C1orf167: variants seen among roughly 807,000 people sequenced by gnomAD.
C1orf167 encodes chromosome 1 open reading frame 167, also known as uncharacterized protein C1orf167.
A neutral mutation model predicts 176.5 loss-of-function variants in C1orf167; 153 were observed. The ratio of observed to expected loss-of-function variants is 0.87; its 90% CI spans 0.76 to 0.99. C1orf167 has a LOEUF of 0.99. Among genes scored for constraint, C1orf167 ranks in the 50% least tolerant of loss-of-function variants. The pLI, the probability that C1orf167 is intolerant of heterozygous loss-of-function variation, is 0.00. For synonymous variants in C1orf167, 594 were observed against 752.7 expected (o/e 0.79, Z 3.45); for missense variants, 1,490 against 1,817.7 (o/e 0.82, Z 3.28).
rs1643278285 is a variant in C1orf167, at chr1:11,775,627, T to C, written c.2164+17T>C. 1 of 1,293,862 alleles carries C rather than the reference T, an allele frequency of 7.7e-7. No homozygotes were observed. The highest frequency in any genetic ancestry group is 1.3e-5 in the South Asian group (1 of 79,734). The allele number at this position is 1,293,862 out of a possible 1,614,324, so 80.1% of individuals were successfully genotyped here. ...AGAAAGCAGGTGAGCTAGTGTTGGC[T>C]TCCGCCCCAGCAAACCGTGTCACTT... On this transcript the variant is annotated intron_variant, in intron 9 of 20. Transcript: ENST00000688073.
intron 20 of C1orf167, 104 bp from the exon 21 acceptor site, chr1:11,789,166 C>T: frequency 8.8e-7 from 1 of 1,137,728 alleles, no homozygotes; most frequent in East Asian, 5.9e-5. Flanking sequence ...AGGGAGGGGC[C>T]CTGGGGACAA....
In C1orf167 at chr1:11,765,053, CA is replaced by C. The variant is rs376686533; in HGVS notation, c.70+607del. On this transcript the variant is annotated intron_variant, in intron 2 of 20. Transcript: ENST00000688073. Reference sequence around the variant, plus strand: ...TGAGCCACAGAGCAAGACTCTGTCTCAAAAAAAAAAAAAAAAAAAAAAAAGA... The same window carrying C: ...TGAGCCACAGAGCAAGACTCTGTCTCAAAAAAAAAAAAAAAAAAAAAAAGA... Among the ~76,000 whole-genome samples, 528 of 67,378 alleles carry C rather than the reference CA, an allele frequency of 7.8e-3. 2 individuals carry two copies. The highest frequency in any genetic ancestry group is 0.034 in the African/African-American group (470 of 13,856). 44.2% of individuals were successfully genotyped at this position (67,378 alleles called of 152,430 possible).
intron 13 of C1orf167, among the ~76,000 whole-genome samples, chr1:11,780,315 T>C (rs1057176044): frequency 7.2e-5 from 11 of 152,204 alleles, no homozygotes; most frequent in African/African-American, 2.7e-4. Flanking sequence ...GCTGACCAAC[T>C]CTTACACATT....
chr1:11,768,881 C>T lies in C1orf167; in HGVS notation c.1543-92C>T. 1 of 868,996 alleles carries T rather than the reference C, an allele frequency of 1.2e-6. No homozygotes were observed. Among genetic ancestry groups the T allele is most frequent in the Non-Finnish European group, 1.4e-6 (1 of 723,510 alleles). 53.8% of individuals were successfully genotyped at this position (868,996 alleles called of 1,614,324 possible). On this transcript the variant is annotated intron_variant, in intron 5 of 20. Coordinates refer to ENST00000688073, the MANE Select transcript of C1orf167 (RefSeq NM_001010881.2). This position sits in a 1 kb window ranked among gnomAD's most constrained non-coding sequence, Gnocchi z 4.5. ...ACCACAGGCTGTGGAATCTGATAGG[C>T]ATGTGTTACTCCTGTCCCCGCCCCT...
intron 1 of C1orf167, among the ~76,000 whole-genome samples, chr1:11,763,269 G>A (rs575319427): frequency 4.6e-5 from 7 of 152,264 alleles, no homozygotes; most frequent in East Asian, 1.9e-4. Flanking sequence ...GTGAAACCCT[G>A]TCTCTACCAA....
Position 11,785,286 on chromosome 1 carries a change from C to T in C1orf167, c.3564C>T (p.Gly1188=). ...TGCGGCTGGGACTGCCAGGGGCCGG[C>T]AAGGTACGCCCCAAGCCCCAGACTG... ...LRVRLGLPGA[G]KTRSCWTQAT... The change falls in exon 16 of 21, where the codon GGC becomes GGT. Residue 1188 remains glycine (G), a synonymous_variant. Transcript: ENST00000688073. 2 of 1,285,866 alleles carry T rather than the reference C, an allele frequency of 1.6e-6. No individual in the cohort carries two copies. Among genetic ancestry groups the T allele is most frequent in the Non-Finnish European group, 1.0e-6 (1 of 985,160 alleles). The allele number at this position is 1,285,866 out of a possible 1,614,324, so 79.7% of individuals were successfully genotyped here.
intron 17 of C1orf167, 157 bp downstream of exon 17, chr1:11,787,650 T>C: frequency 2.4e-6 from 2 of 843,788 alleles, no homozygotes; most frequent in Non-Finnish European, 3.2e-6. Flanking sequence ...GTTTCAGCTG[T>C]TCTGAGAAAA....
intron 20 of C1orf167, chr1:11,788,979 C>A: frequency 2.6e-6 from 1 of 386,770 alleles, no homozygotes; most frequent in Non-Finnish European, 4.8e-6. Flanking sequence ...CATCAGTTTG[C>A]GAAGAAGGTG....
Position 11,766,851 on chromosome 1 carries a change from C to CA in C1orf167, c.1066dup (p.Ser356LysfsTer15), listed in dbSNP as rs554134504. On this transcript the variant is annotated frameshift_variant, in exon 3 of 21. Transcript: ENST00000688073. LOFTEE classifies it high-confidence loss of function. This position sits in a 1 kb window ranked among gnomAD's most constrained non-coding sequence, Gnocchi z 4.5. ...CTGCCCACCCCCTAGGGTCAGGGGA[C>CA]AGCTGCTCCCCCTGGTCTCAAGATG... 3.3e-4 allele frequency: 420 copies of CA among 1,282,294 alleles called. 5 individuals are homozygous for CA. In the African/African-American group the frequency reaches 3.7e-3, roughly 11 times the overall value. The allele number at this position is 1,282,294 out of a possible 1,614,324, so 79.4% of individuals were successfully genotyped here.
chr1:11,776,164 C>T (rs1344542585), intron 9 of C1orf167, among the ~76,000 whole-genome samples: 1 of 152,114 alleles, frequency 6.6e-6, no homozygotes, highest in East Asian at 1.9e-4. Context: ...GGCTGAGGCA[C>T]AAGGATCGCT....
intron 7 of C1orf167, 137 bp from the exon 8 acceptor site, chr1:11,771,945 T>G (rs1570394118): frequency 1.7e-6 from 1 of 581,856 alleles, no homozygotes. Flanking sequence ...GAGGCTGGAG[T>G]ATTGGAGCTA....
chr1:11,778,990 G>A lies in C1orf167; in HGVS notation c.2561G>A (p.Arg854Gln), dbSNP rs749920951. 103 of 1,303,118 alleles carry A rather than the reference G, an allele frequency of 7.9e-5. No homozygotes were observed. Among genetic ancestry groups the A allele is most frequent in the East Asian group, 1.1e-4 (2 of 18,028 alleles). The allele number at this position is 1,303,118 out of a possible 1,614,324, so 80.7% of individuals were successfully genotyped here. ...AGCCTTCTGTGGGCAGCTGGGCAGC[G>A]GCAGCAGGGGCAGTGCCTTCTGCTC... ...QGSLLWAAGQ[R>Q]QQGQCLLLWQ... Residue 854 changes from arginine (R) to glutamine (Q), a missense_variant, in exon 12 of 21, where the codon CGG becomes CAG. Coordinates refer to ENST00000688073, the MANE Select transcript of C1orf167 (RefSeq NM_001010881.2).
chr1:11,776,771 G>C, intron 10 of C1orf167, 133 bp downstream of exon 10: 3 of 889,786 alleles, frequency 3.4e-6, no homozygotes, highest in Non-Finnish European at 4.4e-6. Flanking sequence ...ACTCCTCCCC[G>C]TGGCCCTGCA....
At chr1:11,784,005 C>T (rs1407627790) in intron 14 of C1orf167, among the ~76,000 whole-genome samples, 169 bp from the exon 15 acceptor site, 1 of 152,080 alleles carries the variant, frequency 6.6e-6, no homozygotes, top group Non-Finnish European at 1.5e-5. Context: ...TTACAGGTGC[C>T]CACTACCAGG....
chr1:11,784,963 C>T (rs1234421167), intron 15 of C1orf167, among the ~76,000 whole-genome samples, 185 bp from the exon 16 acceptor site: 2 of 152,228 alleles, frequency 1.3e-5, no homozygotes, highest in Non-Finnish European at 2.9e-5. Flanking sequence ...GTGATTTTCT[C>T]CTTCCAGGTC....
intron 4 of C1orf167, among the ~76,000 whole-genome samples, 165 bp downstream of exon 4, chr1:11,767,429 C>G (rs1381389420): frequency 6.6e-6 from 1 of 152,044 alleles, no homozygotes. Context: ...ATGAAGGGAG[C>G]CTCCAGGGCC....
At chr1:11,785,047 G>C in intron 15 of C1orf167, 101 bp from the exon 16 acceptor site, 1 of 1,063,278 alleles carries the variant, frequency 9.4e-7, no homozygotes, top group African/African-American at 1.7e-5. Flanking sequence ...CCAGCCTGGG[G>C]CTGGGCCCGG....
intron 2 of C1orf167, among the ~76,000 whole-genome samples, chr1:11,765,329 T>G (rs746461272): frequency 1.3e-5 from 2 of 152,036 alleles, no homozygotes; most frequent in Non-Finnish European, 2.9e-5. Context: ...TGGAGTGGGC[T>G]TGGGGGCTGG....
intron 2 of C1orf167, among the ~76,000 whole-genome samples, chr1:11,765,053 CAAAAA>C (rs376686533): frequency 5.9e-5 from 4 of 67,464 alleles, no homozygotes; most frequent in African/African-American, 7.2e-5. Flanking sequence ...GACTCTGTCT[CAAAAA>C]AAAAAAAAAA....
Sources: gnomAD v4.1 joint callset for allele counts (sites outside exome capture counted in the v4.1 genomes callset) on GRCh38, gnomAD v4.1.1 for gene constraint, Gnocchi (gnomAD v3.1) non-coding constraint, MANE v1.5 for transcripts, NCBI Gene and HGNC (gene_info 2026-07-23, HGNC 2026-07-21) for gene names.